The following KCNH7 variants were observed in gnomAD, a reference collection of about 807,000 sequenced individuals.
KCNH7 encodes voltage-gated inwardly rectifying potassium channel KCNH7.
Under a neutral mutation model 120.8 loss-of-function variants are expected in KCNH7, and 49 were observed. The ratio of observed to expected loss-of-function variants is 0.41; its 90% CI spans 0.32 to 0.51. The LOEUF is 0.51. Among genes scored for constraint, KCNH7 ranks in the 20% least tolerant of loss-of-function variants. KCNH7 has a pLI of 0.38. For synonymous variants in KCNH7, 547 were observed against 516.1 expected (o/e 1.06, Z -0.81); for missense variants, 1,097 against 1,446.6 (o/e 0.76, Z 3.92).
chr2:162,514,471 G>A (rs1217405063), intron 4 of KCNH7, among the ~76,000 whole-genome samples: 1 of 151,732 alleles, frequency 6.6e-6, no homozygotes, highest in Non-Finnish European at 1.5e-5. Flanking sequence ...ACATTATATA[G>A]TTATTACAGC....
intron 2 of KCNH7, among the ~76,000 whole-genome samples, chr2:162,593,829 C>T (rs1372115660): frequency 6.6e-6 from 1 of 151,942 alleles, no homozygotes; most frequent in Non-Finnish European, 1.5e-5. Context: ...AATTTTGAAA[C>T]TTTTTGAGGA....
rs1250825564 is a variant in KCNH7 at position 162,492,878 on chromosome 2, T to TGTTTGTTTG, written c.1128+11564_1128+11565insCAAACAAAC. Among the ~76,000 whole-genome samples the TGTTTGTTTG allele has an allele frequency of 7.6e-3, 1,040 of 136,750 alleles. 20 individuals are homozygous for TGTTTGTTTG. The highest frequency in any genetic ancestry group is 0.031 in the African/African-American group (984 of 31,852). 89.7% of individuals were successfully genotyped at this position (136,750 alleles called of 152,430 possible). On this transcript the variant is annotated intron_variant, in intron 6 of 15. Coordinates refer to ENST00000332142, the MANE Select transcript of KCNH7 (RefSeq NM_033272.4). ...TTCTTGGATCTTGTTTTTTTTTTTT[T>TGTTTGTTTG]TTTTTTTTTTTTTTGGAAAAGGTTT... is the stretch of plus-strand genomic sequence containing the variant.
intron 7 of KCNH7, among the ~76,000 whole-genome samples, chr2:162,440,178 T>C (rs1233007171): frequency 6.6e-6 from 1 of 151,868 alleles, no homozygotes; most frequent in Non-Finnish European, 1.5e-5. Flanking sequence ...TTAAAATATA[T>C]TATTTCAGAA....
At chr2:162,448,694 T>A (rs1047668551) in intron 6 of KCNH7, among the ~76,000 whole-genome samples, 1 of 152,052 alleles carries the variant, frequency 6.6e-6, no homozygotes, top group African/African-American at 2.4e-5. Context: ...CAAACAGCAA[T>A]CTTGGAACTG....
intron 2 of KCNH7, among the ~76,000 whole-genome samples, chr2:162,624,928 G>A (rs1040644446): frequency 6.0e-5 from 7 of 116,418 alleles, no homozygotes; most frequent in South Asian, 2.7e-4. Context: ...ATGGAGTTTC[G>A]CTCTTGTTGC....
At chr2:162,583,796 A>C (rs1298129351) in intron 2 of KCNH7, among the ~76,000 whole-genome samples, 1 of 152,142 alleles carries the variant, frequency 6.6e-6, no homozygotes, top group Non-Finnish European at 1.5e-5. Flanking sequence ...AGAATAGGGC[A>C]CTAATGTCTT....
At chr2:162,545,501 A>G (rs554219011) in intron 2 of KCNH7, among the ~76,000 whole-genome samples, 1 of 152,276 alleles carries the variant, frequency 6.6e-6, no homozygotes, top group Non-Finnish European at 1.5e-5. Flanking sequence ...GTGCTGGGCC[A>G]TGAGAGGAAA....
At chr2:162,720,472 C>T (rs993568778) in intron 2 of KCNH7, among the ~76,000 whole-genome samples, 2 of 151,762 alleles carry the variant, frequency 1.3e-5, no homozygotes, top group African/African-American at 4.8e-5. Flanking sequence ...GTTTAAAAAC[C>T]AGCTCTATTT....
chr2:162,403,768 A>G (rs1056112120), intron 9 of KCNH7, among the ~76,000 whole-genome samples: 11 of 151,978 alleles, frequency 7.2e-5, no homozygotes, highest in African/African-American at 2.7e-4. Context: ...TAAAATTAAG[A>G]GCCAGTTGTT....
chr2:162,765,119 G>A (rs1384612980), intron 2 of KCNH7, among the ~76,000 whole-genome samples: 1 of 152,108 alleles, frequency 6.6e-6, no homozygotes, highest in Non-Finnish European at 1.5e-5. Flanking sequence ...AGATCAAGCT[G>A]CTACTAACAC....
At chr2:162,493,247 T>A (rs190299562) in intron 6 of KCNH7, among the ~76,000 whole-genome samples, 1 of 152,178 alleles carries the variant, frequency 6.6e-6, no homozygotes, top group East Asian at 1.9e-4. Flanking sequence ...AACTATTGGA[T>A]CTTCTTCTGT....
At chr2:162,832,301 A>G (rs1685505851) in intron 2 of KCNH7, among the ~76,000 whole-genome samples, 1 of 152,150 alleles carries the variant, frequency 6.6e-6, no homozygotes, top group Non-Finnish European at 1.5e-5. Flanking sequence ...AAGAATTAAG[A>G]GAGCTGAATG....
chr2:162,672,305 C>A (rs1326487573), intron 2 of KCNH7, among the ~76,000 whole-genome samples: 4 of 151,938 alleles, frequency 2.6e-5, no homozygotes, highest in Non-Finnish European at 4.4e-5. Flanking sequence ...TTTATGTACA[C>A]CATATTTTCT....
chr2:162,693,425 G>GT (rs1319631859), intron 2 of KCNH7, among the ~76,000 whole-genome samples: 1 of 152,102 alleles, frequency 6.6e-6, no homozygotes, highest in Non-Finnish European at 1.5e-5. Context: ...TGACATTTGT[G>GT]TTTTTTTCAG....
intron 6 of KCNH7, among the ~76,000 whole-genome samples, chr2:162,469,079 C>T (rs547947259): frequency 3.9e-4 from 60 of 152,284 alleles, no homozygotes; most frequent in African/African-American, 1.4e-3. Flanking sequence ...TGGTCTCAAA[C>T]AATTCTCCTG....
In KCNH7 at chr2:162,396,876, C is replaced by T. The variant is rs1424177098; in HGVS notation, c.2477G>A (p.Arg826Lys). The change falls in exon 11 of 16, where the codon AGA becomes AAA. Residue 826 changes from arginine to lysine, a missense_variant. By Grantham distance (26) the Arg-to-Lys change is conservative. Coordinates refer to ENST00000332142, the MANE Select transcript of KCNH7 (RefSeq NM_033272.4). ...AKPGKSNADV[R>K]ALTYCDLHKI... is the part of the protein sequence containing the mutation. ...ATGCAAGTCACAGTATGTGAGGGCT[C>T]TTACATCTGCATTAGACTTTCCAGG... 5.6e-6 allele frequency: 9 copies of T among 1,611,728 alleles called. No homozygotes were observed. In the South Asian group the frequency reaches 8.8e-5, roughly 16 times the overall value.
Position 162,524,303 on chromosome 2 carries a change from C to T in KCNH7, c.464-6145G>A, listed in dbSNP as rs868316414. On this transcript the variant is annotated intron_variant, in intron 3 of 15. Transcript: ENST00000332142. ...CCTGGCCTTTGCATCCCTGTATCTACGAGTCACTGGTTATAGCCACACCAC... is the reference window on the plus strand; with the variant it reads ...CCTGGCCTTTGCATCCCTGTATCTATGAGTCACTGGTTATAGCCACACCAC... Among the ~76,000 whole-genome samples, 7 of 152,124 alleles carry T rather than the reference C, an allele frequency of 4.6e-5. No individual in the cohort carries two copies. In the Middle Eastern group the frequency reaches 0.01, roughly 222 times the overall value.
rs114467668 is a variant in KCNH7 at position 162,655,508 on chromosome 2, C to G, written c.308-118428G>C. 3.6e-3 allele frequency among the ~76,000 whole-genome samples: 540 copies of G among 152,054 alleles called. 2 individuals carry two copies. Among genetic ancestry groups the G allele is most frequent in the Non-Finnish European group, 5.7e-3 (387 of 67,974 alleles). On this transcript the variant is annotated intron_variant, in intron 2 of 15. Coordinates refer to ENST00000332142, the MANE Select transcript of KCNH7 (RefSeq NM_033272.4). ...GCTCATAGAATTATTGTGGTCTGGC[C>G]GGGCGTGGTGGCTCACGCCTGTAAT...
At chr2:162,806,676 T>G (rs1369854142) in intron 2 of KCNH7, among the ~76,000 whole-genome samples, 2 of 152,194 alleles carry the variant, frequency 1.3e-5, no homozygotes, top group African/African-American at 4.8e-5. Flanking sequence ...CAATAAAAAT[T>G]GTTCTAATCT....
Sources: gnomAD v4.1 joint callset for allele counts (sites outside exome capture counted in the v4.1 genomes callset) on GRCh38, gnomAD v4.1.1 for gene constraint, MANE v1.5 for transcripts, NCBI Gene and HGNC (gene_info 2026-07-23, HGNC 2026-07-21) for gene names.